The following PTBP3 variants were observed in gnomAD, a reference collection of about 807,000 sequenced individuals.
PTBP3 encodes polypyrimidine tract-binding protein 3.
Under a neutral mutation model 58.7 loss-of-function variants are expected in PTBP3, and 20 were observed. That is an observed-to-expected ratio of 0.34 (90% CI 0.24 to 0.50). The LOEUF (loss-of-function observed/expected upper bound fraction) is 0.50, where lower values mean the gene tolerates loss of function less well. Among genes scored for constraint, PTBP3 ranks in the 20% least tolerant of loss-of-function variants. The probability of loss-of-function intolerance (pLI) is 0.98; values close to 1 mark genes in which losing one functional copy is unlikely to be tolerated. For synonymous variants in PTBP3, 185 were observed against 219.8 expected (o/e 0.84, Z 1.40); for missense variants, 509 against 637.2 (o/e 0.80, Z 2.17).
the PTBP3 span, among the ~76,000 whole-genome samples, chr9:112,367,221 T>C: frequency 6.6e-6 from 1 of 152,204 alleles, no homozygotes; most frequent in African/African-American, 2.4e-5. Context: ...ATAAAAAAAC[T>C]TTAGACTACA....
At chr9:112,274,846 C>T (rs1039797862) in intron 3 of PTBP3, among the ~76,000 whole-genome samples, 1 of 152,214 alleles carries the variant, frequency 6.6e-6, no homozygotes, top group Admixed American at 6.5e-5. Context: ...AGATTCACAG[C>T]AACCAATCAG....
rs1827176836 is a variant in PTBP3 at position 112,268,053 on chromosome 9, T to C, written c.347A>G (p.Gln116Arg). 1 of 1,607,588 alleles carries C rather than the reference T, an allele frequency of 6.2e-7. No homozygotes were observed. The highest frequency in any genetic ancestry group is 1.3e-5 in the African/African-American group (1 of 74,502). ...RELKTDNLPN[Q>R]ARAQAALQAV... ...AAAAACATCTTTAATACTTACAGCTTGATTAGGTAGATTGTCAGTCTTAAG... is the reference window on the plus strand; with the variant it reads ...AAAAACATCTTTAATACTTACAGCTCGATTAGGTAGATTGTCAGTCTTAAG... The change falls in exon 4 of 14, where the codon CAA (glutamine) becomes CGA (arginine). Residue 116 changes from glutamine to arginine, a missense_variant. Physicochemically the swap from Gln to Arg is conservative, Grantham distance 43. This residue lies in a region of PTBP3 where 212 missense variants were observed against 215.3 expected (regional missense o/e 0.98). Coordinates refer to ENST00000374257, the MANE Select transcript of PTBP3 (RefSeq NM_001163788.4).
the PTBP3 span, among the ~76,000 whole-genome samples, chr9:112,347,343 T>A: frequency 2.3e-5 from 1 of 43,898 alleles, no homozygotes; most frequent in Admixed American, 2.2e-4. Context: ...TGGGATACCT[T>A]TTTTTTTTTT....
At chr9:112,258,587 T>TA (rs1187357917) in intron 5 of PTBP3, among the ~76,000 whole-genome samples, 1 of 152,228 alleles carries the variant, frequency 6.6e-6, no homozygotes, top group Non-Finnish European at 1.5e-5. Context: ...ATTATTTACT[T>TA]ACCTCAGTCT....
chr9:112,318,480 C>T (rs955451665), intron 1 of PTBP3, among the ~76,000 whole-genome samples: 19 of 152,174 alleles, frequency 1.2e-4, no homozygotes, highest in African/African-American at 4.3e-4. Flanking sequence ...AATTTGAAAG[C>T]TGGGTGCAGT....
At chr9:112,313,683 A>G (rs1310487949) in intron 1 of PTBP3, among the ~76,000 whole-genome samples, 1 of 152,212 alleles carries the variant, frequency 6.6e-6, no homozygotes, top group Non-Finnish European at 1.5e-5. Flanking sequence ...AACTTACAAC[A>G]TGGCAGCTCA....
chr9:112,340,585 A>T, the PTBP3 span, among the ~76,000 whole-genome samples: 3 of 152,322 alleles, frequency 2.0e-5, no homozygotes, highest in East Asian at 5.8e-4. Context: ...TCTATGTTTT[A>T]AAATCTCTTG....
the PTBP3 span, among the ~76,000 whole-genome samples, chr9:112,345,668 A>G: frequency 6.6e-6 from 1 of 152,172 alleles, no homozygotes; most frequent in East Asian, 1.9e-4. Context: ...GGCGTAAGCC[A>G]CAACACCTGG....
chr9:112,274,410 T>C (rs1827518146), intron 3 of PTBP3, among the ~76,000 whole-genome samples: 1 of 152,228 alleles, frequency 6.6e-6, no homozygotes, highest in African/African-American at 2.4e-5. Flanking sequence ...CCTAGATTTG[T>C]TGTCCTCTTC....
At chr9:112,362,247 A>C in the PTBP3 span, among the ~76,000 whole-genome samples, 2 of 152,196 alleles carry the variant, frequency 1.3e-5, no homozygotes, top group Non-Finnish European at 2.9e-5. Context: ...GGAGAGGTTG[A>C]GGCTGCAGTG....
At chr9:112,258,453 C>T (rs1237400106) in intron 5 of PTBP3, among the ~76,000 whole-genome samples, 1 of 151,512 alleles carries the variant, frequency 6.6e-6, no homozygotes, top group Non-Finnish European at 1.5e-5. Context: ...TCCCATTTAT[C>T]ATCTCCCACT....
chr9:112,348,705 G>A, the PTBP3 span, among the ~76,000 whole-genome samples: 1 of 152,142 alleles, frequency 6.6e-6, no homozygotes, highest in African/African-American at 2.4e-5. Flanking sequence ...ACTTTACTTC[G>A]TTTCATTCCT....
chr9:112,357,947 G>A, the PTBP3 span, among the ~76,000 whole-genome samples: 3 of 152,200 alleles, frequency 2.0e-5, no homozygotes, highest in South Asian at 2.1e-4. Flanking sequence ...ACTTAATGCC[G>A]TTGAACTGTA....
At chr9:112,360,188 GA>G in the PTBP3 span, among the ~76,000 whole-genome samples, 1 of 152,050 alleles carries the variant, frequency 6.6e-6, no homozygotes, top group South Asian at 2.1e-4. Flanking sequence ...AAACCCAAAG[GA>G]ATTTTTTTTT....
intron 2 of PTBP3, among the ~76,000 whole-genome samples, chr9:112,282,148 T>C (rs1265164356): frequency 5.3e-5 from 8 of 152,174 alleles, no homozygotes. Flanking sequence ...CTAAATACCA[T>C]CACATAGCGA....
chr9:112,253,464 C>T (rs928885797), intron 5 of PTBP3, among the ~76,000 whole-genome samples: 43 of 152,106 alleles, frequency 2.8e-4, no homozygotes, highest in Admixed American at 6.6e-4. Flanking sequence ...CCTCACAATA[C>T]GTGTGCTACC....
chr9:112,296,606 T>C (rs1281335846), intron 2 of PTBP3, among the ~76,000 whole-genome samples: 4 of 152,154 alleles, frequency 2.6e-5, no homozygotes, highest in African/African-American at 9.7e-5. Context: ...TCCATGTCCA[T>C]GGCTTCAGTT....
chr9:112,308,004 G>A lies in PTBP3; in HGVS notation c.-51-10088C>T, dbSNP rs182660693. On this transcript the variant is annotated intron_variant, in intron 1 of 13. Transcript: ENST00000374257. ...GTTAGTGTTAGTGTATTTTATGTGT[G>A]GCATAAGACAATTCTTCTTCCAGTA... Among the ~76,000 whole-genome samples, 16 of 152,296 alleles carry A rather than the reference G, an allele frequency of 1.1e-4. No homozygotes were observed. In the East Asian group the frequency reaches 2.9e-3, roughly 28 times the overall value.
At chr9:112,244,967 G>C (rs977451769) in intron 7 of PTBP3, among the ~76,000 whole-genome samples, 2 of 152,064 alleles carry the variant, frequency 1.3e-5, no homozygotes, top group African/African-American at 4.8e-5. Flanking sequence ...AATGACAAAA[G>C]GAGACAACTA....
Sources: allele counts gnomAD v4.1 joint callset (sites outside exome capture counted in the v4.1 genomes callset), GRCh38; gene constraint gnomAD v4.1.1; regional missense constraint gnomAD v4.1.1; transcripts MANE v1.5; gene names NCBI Gene and HGNC (gene_info 2026-07-23, HGNC 2026-07-21).